The following FOXN3 variants were observed in gnomAD, a reference collection of about 807,000 sequenced individuals.
The protein encoded by FOXN3 is forkhead box N3.
In FOXN3, 7 loss-of-function variants were observed where a neutral mutation model predicts 38.4. The ratio of observed to expected loss-of-function variants is 0.18; its 90% CI spans 0.10 to 0.34. The LOEUF (loss-of-function observed/expected upper bound fraction) is 0.34, where lower values mean the gene tolerates loss of function less well. FOXN3 is among the 10% of genes least tolerant of loss of function. FOXN3 has a pLI of 1.00. For synonymous variants in FOXN3, 230 were observed against 242.2 expected (o/e 0.95, Z 0.47); for missense variants, 456 against 613.4 (o/e 0.74, Z 2.71).
chr14:89,368,266 G>A (rs1890214294), intron 2 of FOXN3, among the ~76,000 whole-genome samples: 1 of 150,852 alleles, frequency 6.6e-6, no homozygotes, highest in Admixed American at 6.6e-5. Context: ...GGAGGCGGAG[G>A]TTGCAGTGAA....
chr14:89,418,141 G>T (rs1891804064), upstream of FOXN3, among the ~76,000 whole-genome samples: 1 of 152,138 alleles, frequency 6.6e-6, no homozygotes, highest in South Asian at 2.1e-4. Flanking sequence ...CACCCTGGTG[G>T]TGACAAAAAT....
chr14:89,300,832 T>C (rs913801090), intron 3 of FOXN3, among the ~76,000 whole-genome samples: 1 of 152,262 alleles, frequency 6.6e-6, no homozygotes, highest in African/African-American at 2.4e-5. Flanking sequence ...AGTCTCGCTC[T>C]GTTGCTCAGG....
intron 4 of FOXN3, among the ~76,000 whole-genome samples, chr14:89,185,019 C>T (rs1204567856): frequency 1.3e-5 from 2 of 152,238 alleles, no homozygotes; most frequent in East Asian, 1.9e-4. Context: ...ACAAAGCTCT[C>T]TTGCAGCATT....
intron 2 of FOXN3, among the ~76,000 whole-genome samples, chr14:89,358,935 T>C (rs1303055687): frequency 6.6e-6 from 1 of 152,198 alleles, no homozygotes; most frequent in African/African-American, 2.4e-5. Context: ...GAATTAATAA[T>C]ACCTGCTTCA....
chr14:89,555,881 G>GTGTGTGTGTGTGTGT (rs374731979), intron 1 of FOXN3, among the ~76,000 whole-genome samples: 5 of 115,464 alleles, frequency 4.3e-5, no homozygotes, highest in South Asian at 3.5e-4. Context: ...GTGTGTATGT[G>GTGTGTGTGTGTGTGT]GGGGTGTATG....
At chr14:89,585,080 A>G (rs1895816500) in intron 1 of FOXN3, among the ~76,000 whole-genome samples, 1 of 152,142 alleles carries the variant, frequency 6.6e-6, no homozygotes, top group Non-Finnish European at 1.5e-5. Context: ...TATTTTTTCC[A>G]GTATTCCTCT....
At chr14:89,452,433 G>A (rs1020013021) in intron 1 of FOXN3, among the ~76,000 whole-genome samples, 3 of 152,112 alleles carry the variant, frequency 2.0e-5, no homozygotes, top group South Asian at 2.1e-4. Flanking sequence ...GACCGTCATC[G>A]ACCATCACAG....
At chr14:89,615,116 AT>A (rs374606775) in intron 1 of FOXN3, among the ~76,000 whole-genome samples, 1,068 of 106,748 alleles carry the variant, frequency 0.01, 12 homozygotes, top group African/African-American at 0.037. Flanking sequence ...CCCAATTTCG[AT>A]TTTTTTTTTT....
chr14:89,297,671 C>T (rs949855970), intron 3 of FOXN3, among the ~76,000 whole-genome samples: 1 of 152,164 alleles, frequency 6.6e-6, no homozygotes, highest in African/African-American at 2.4e-5. Flanking sequence ...ACTCGTACAC[C>T]CATGCTCATA....
intron 1 of FOXN3, among the ~76,000 whole-genome samples, chr14:89,555,872 T>TGTGTGG (rs1426537962): frequency 2.5e-5 from 3 of 122,214 alleles, no homozygotes; most frequent in Admixed American, 1.0e-4. Flanking sequence ...TGTGTGTGTG[T>TGTGTGG]GTGTATGTGG....
chr14:89,575,947 G>A (rs971641674), intron 1 of FOXN3, among the ~76,000 whole-genome samples: 2 of 152,110 alleles, frequency 1.3e-5, no homozygotes, highest in African/African-American at 2.4e-5. Flanking sequence ...TAAACTCCTC[G>A]CTCTGAAGTT....
chr14:89,327,157 G>A (rs1490800873), intron 3 of FOXN3, among the ~76,000 whole-genome samples: 2 of 152,154 alleles, frequency 1.3e-5, no homozygotes, highest in Non-Finnish European at 2.9e-5. Flanking sequence ...AACTTATTAT[G>A]ACATGCAGTG....
intron 4 of FOXN3, among the ~76,000 whole-genome samples, chr14:89,185,215 G>T (rs1009575099): frequency 2.6e-5 from 4 of 151,822 alleles, no homozygotes; most frequent in African/African-American, 9.7e-5. Flanking sequence ...GGATGTGCTC[G>T]TGTTTGCTCA....
At chr14:89,511,286 T>TCCTC (rs1566681473) in intron 1 of FOXN3, among the ~76,000 whole-genome samples, 1 of 71,040 alleles carries the variant, frequency 1.4e-5, no homozygotes, top group African/African-American at 3.7e-5. Flanking sequence ...TTTCTTTCTT[T>TCCTC]CTTTCTTTCT....
At chr14:89,443,988 A>G (rs11159910) in intron 1 of FOXN3, among the ~76,000 whole-genome samples, 65,475 of 141,684 alleles carry the variant, frequency 0.46, 16,229 homozygotes, top group Admixed American at 0.6. Context: ...CAGCCTGGGC[A>G]ACAAGAATGA....
chr14:89,558,987 G>A (rs1015375559), intron 1 of FOXN3, among the ~76,000 whole-genome samples: 1 of 152,046 alleles, frequency 6.6e-6, no homozygotes, highest in South Asian at 2.1e-4. Context: ...TTTCTGGAAC[G>A]CACAGCGCTG....
intron 1 of FOXN3, among the ~76,000 whole-genome samples, chr14:89,460,998 A>C (rs1892835168): frequency 1.5e-5 from 2 of 132,980 alleles, no homozygotes; most frequent in African/African-American, 5.8e-5. Flanking sequence ...ATTGCACTCC[A>C]GCCTGGGCAA....
At chr14:89,232,077 G>A (rs146683588) in intron 4 of FOXN3, among the ~76,000 whole-genome samples, 16 of 152,168 alleles carry the variant, frequency 1.1e-4, no homozygotes, top group South Asian at 1.0e-3. Flanking sequence ...ACTGGGCCAA[G>A]ACTGGAAAAA....
chr14:89,303,411 T>C (rs1228588020), intron 3 of FOXN3, among the ~76,000 whole-genome samples: 2 of 151,762 alleles, frequency 1.3e-5, no homozygotes. Context: ...GGAGCTAGAC[T>C]GTGAGCTCTC....
Sources: gnomAD v4.1 joint callset for allele counts (sites outside exome capture counted in the v4.1 genomes callset) on GRCh38, gnomAD v4.1.1 for gene constraint, MANE v1.5 for transcripts, NCBI Gene and HGNC (gene_info 2026-07-23, HGNC 2026-07-21) for gene names.